Variants in COL14A1 observed in about 807,000 individuals in gnomAD.
The protein encoded by COL14A1 is collagen alpha-1(XIV) chain.
A neutral mutation model predicts 230.3 loss-of-function variants in COL14A1; 136 were observed. The observed-to-expected ratio is 0.59, with a 90% CI of 0.51 to 0.68. The LOEUF (loss-of-function observed/expected upper bound fraction) is 0.68, where lower values mean the gene tolerates loss of function less well. Among genes scored for constraint, COL14A1 ranks in the 30% least tolerant of loss-of-function variants. The probability of loss-of-function intolerance (pLI) is 0.00; values close to 1 mark genes in which losing one functional copy is unlikely to be tolerated. For synonymous variants in COL14A1, 792 were observed against 784.1 expected, an observed-to-expected ratio of 1.01 and a Z score of -0.17; for missense variants, 1,976 against 2,215.8, an observed-to-expected ratio of 0.89 and a Z score of 2.17.
chr8:120,261,300 G>A (rs1177406433), intron 23 of COL14A1, among the ~76,000 whole-genome samples: 1 of 152,118 alleles, frequency 6.6e-6, no homozygotes, highest in African/African-American at 2.4e-5. Context: ...TAACTTTTCT[G>A]ACCTTTAGTT....
intron 33 of COL14A1, among the ~76,000 whole-genome samples, chr8:120,289,358 T>G (rs1820301635): frequency 1.3e-5 from 2 of 152,196 alleles, no homozygotes; most frequent in South Asian, 4.1e-4. Flanking sequence ...TAGGCCGGAC[T>G]TTAAAAAGTG....
chr8:120,229,146 A>C (rs1236028954), intron 18 of COL14A1, among the ~76,000 whole-genome samples: 1 of 143,614 alleles, frequency 7.0e-6, no homozygotes, highest in Non-Finnish European at 1.5e-5. Context: ...GTTTTAGGGT[A>C]CATGTGCACA....
At chr8:120,240,897 A>G (rs1355927234) in intron 19 of COL14A1, among the ~76,000 whole-genome samples, 3 of 152,204 alleles carry the variant, frequency 2.0e-5, no homozygotes, top group Non-Finnish European at 4.4e-5. Flanking sequence ...ATATTTTGTA[A>G]GGATTGACTT....
At chr8:120,280,778 C>T (rs372256511) in intron 30 of COL14A1, 29 bp downstream of exon 30, 34 of 1,609,580 alleles carry the variant, frequency 2.1e-5, no homozygotes, top group Non-Finnish European at 2.6e-5. Flanking sequence ...TTTTCAAACA[C>T]AAAATATATT....
At chr8:120,322,840 A>G (rs996659162) in intron 40 of COL14A1, among the ~76,000 whole-genome samples, 1 of 152,180 alleles carries the variant, frequency 6.6e-6, no homozygotes, top group Admixed American at 6.5e-5. Flanking sequence ...GCTATTGTGA[A>G]TAGTGCTGCA....
At chr8:120,151,295 T>C (rs755473304) in intron 2 of COL14A1, among the ~76,000 whole-genome samples, 15 of 152,178 alleles carry the variant, frequency 9.9e-5, no homozygotes, top group Admixed American at 2.0e-4. Flanking sequence ...TAGTAGTGAG[T>C]TCCTGTGGGT....
intron 40 of COL14A1, among the ~76,000 whole-genome samples, chr8:120,320,896 T>G (rs1246521966): frequency 6.6e-6 from 1 of 152,204 alleles, no homozygotes; most frequent in East Asian, 1.9e-4. Flanking sequence ...TCTCTAGTCC[T>G]CAGAATAACT....
chr8:120,185,672 G>C (rs1346043203), intron 5 of COL14A1, among the ~76,000 whole-genome samples: 1 of 152,076 alleles, frequency 6.6e-6, no homozygotes, highest in Non-Finnish European at 1.5e-5. Flanking sequence ...TCTGAAAAGA[G>C]AAAAAGAAGA....
At chr8:120,275,999 G>T (rs1353829263) in intron 26 of COL14A1, among the ~76,000 whole-genome samples, 1 of 151,758 alleles carries the variant, frequency 6.6e-6, no homozygotes, top group African/African-American at 2.4e-5. Flanking sequence ...CAAAGGAAAA[G>T]AAGTCATTAT....
chr8:120,166,923 G>GTGTGTGTGTGT (rs1563646891), intron 4 of COL14A1, among the ~76,000 whole-genome samples: 3 of 71,462 alleles, frequency 4.2e-5, no homozygotes, highest in African/African-American at 1.5e-4. Context: ...TGTGTGTGTG[G>GTGTGTGTGTGT]TGGTGATGAT....
intron 16 of COL14A1, among the ~76,000 whole-genome samples, 181 bp downstream of exon 16, chr8:120,226,947 C>A (rs1444093848): frequency 6.6e-6 from 1 of 152,030 alleles, no homozygotes; most frequent in Non-Finnish European, 1.5e-5. Flanking sequence ...TGTATTGTTG[C>A]CAGAGCTTTA....
At chr8:120,239,947 C>T (rs779430111) in intron 19 of COL14A1, among the ~76,000 whole-genome samples, 1 of 151,650 alleles carries the variant, frequency 6.6e-6, no homozygotes, top group Non-Finnish European at 1.5e-5. Flanking sequence ...ATCATGCATG[C>T]ACTTGTAAGC....
intron 2 of COL14A1, among the ~76,000 whole-genome samples, chr8:120,151,769 G>A (rs1815293553): frequency 6.6e-6 from 1 of 151,804 alleles, no homozygotes; most frequent in African/African-American, 2.4e-5. Context: ...ATGTCAGATT[G>A]AATTGTTTGT....
In COL14A1 at chr8:120,280,196, A is replaced by G. The variant is rs551051455; in HGVS notation, c.3646+97A>G. On this transcript the variant is annotated intron_variant, in intron 29 of 47. Transcript: ENST00000297848. ...AGTCCGATCTAGATCTGAGAAAAGA[A>G]TATTGACTTCCAGTACTGCTTGTTA... is the stretch of plus-strand genomic sequence containing the variant. 5.0e-6 allele frequency: 7 copies of G among 1,396,476 alleles called. No homozygotes were observed. The African/African-American group carries it at 8.5e-5, about 17-fold the overall frequency. 86.5% of individuals were successfully genotyped at this position (1,396,476 alleles called of 1,614,324 possible).
intron 40 of COL14A1, among the ~76,000 whole-genome samples, chr8:120,330,691 G>A (rs1390533330): frequency 1.3e-5 from 2 of 152,092 alleles, no homozygotes; most frequent in African/African-American, 2.4e-5. Flanking sequence ...CCCTGCCTTT[G>A]TGCCACCTCT....
At chr8:120,211,264 G>A (rs1278183740) in intron 12 of COL14A1, among the ~76,000 whole-genome samples, 1 of 152,020 alleles carries the variant, frequency 6.6e-6, no homozygotes, top group African/African-American at 2.4e-5. Flanking sequence ...ATAGAGGAAT[G>A]GAAAATAGTG....
chr8:120,345,967 G>A (rs1822495416), intron 45 of COL14A1, among the ~76,000 whole-genome samples: 1 of 152,238 alleles, frequency 6.6e-6, no homozygotes, highest in Non-Finnish European at 1.5e-5. Context: ...TCACTCTGGT[G>A]ATTTGCTGGT....
intron 26 of COL14A1, 178 bp from the exon 27 acceptor site, chr8:120,277,933 G>T (rs959983919): frequency 4.0e-6 from 2 of 506,264 alleles, no homozygotes; most frequent in Non-Finnish European, 6.7e-6. Flanking sequence ...AAAAAGAAAA[G>T]ATGTATTTAA....
At chr8:120,235,756 T>C (rs768950661) in intron 19 of COL14A1, among the ~76,000 whole-genome samples, 2 of 152,232 alleles carry the variant, frequency 1.3e-5, no homozygotes, top group Non-Finnish European at 2.9e-5. Context: ...GGGCATTTAG[T>C]GCTGTAAGTT....
Sources: allele counts gnomAD v4.1 joint callset (sites outside exome capture counted in the v4.1 genomes callset), GRCh38; gene constraint gnomAD v4.1.1; transcripts MANE v1.5; gene names NCBI Gene and HGNC (gene_info 2026-07-23, HGNC 2026-07-21).